The following PCDHA3 variants were observed in gnomAD, a reference collection of about 807,000 sequenced individuals.
PCDHA3 encodes the protein protocadherin alpha 3, also known as protocadherin alpha-3.
PCDHA3 carries 41 observed loss-of-function variants against 62.2 expected under a neutral mutation model. That is an observed-to-expected ratio of 0.66 (90% CI 0.51 to 0.86). The LOEUF is 0.86. Among genes scored for constraint, PCDHA3 ranks in the 40% least tolerant of loss-of-function variants. The probability of loss-of-function intolerance (pLI) is 0.00; values close to 1 mark genes in which losing one functional copy is unlikely to be tolerated. For missense variants in PCDHA3, 1,304 were observed against 1,241.2 expected, an observed-to-expected ratio of 1.05 and a Z score of -0.76; for synonymous variants, 640 against 555.4, an observed-to-expected ratio of 1.15 and a Z score of -2.14.
chr5:140,822,453 G>A, intron 1 of PCDHA3: 1 of 1,613,866 alleles, frequency 6.2e-7, no homozygotes, highest in South Asian at 1.1e-5. Flanking sequence ...GTACAGTTCA[G>A]TTGTTGATCA....
At chr5:140,886,899 A>G (rs1054848231) in intron 1 of PCDHA3, among the ~76,000 whole-genome samples, 1 of 152,020 alleles carries the variant, frequency 6.6e-6, no homozygotes, top group Admixed American at 6.6e-5. Flanking sequence ...AATGCATTTA[A>G]TAAATACTTA....
intron 1 of PCDHA3, among the ~76,000 whole-genome samples, chr5:140,937,898 T>C (rs11950543): frequency 0.02 from 2,906 of 145,270 alleles, 39 homozygotes; most frequent in East Asian, 0.058. Flanking sequence ...GGCGACAGAG[T>C]GAGACTCCGT....
chr5:140,850,840 C>A (rs2150500104), intron 1 of PCDHA3: 2 of 1,597,492 alleles, frequency 1.3e-6, no homozygotes, highest in Non-Finnish European at 1.7e-6. Context: ...TGTGCTGGAT[C>A]TACAGAGCGA....
chr5:140,876,312 G>C (rs557901977), intron 1 of PCDHA3: 1 of 1,614,036 alleles, frequency 6.2e-7, no homozygotes. Context: ...TTTCCTATGG[G>C]ATCAAAATGA....
At position 140,850,723 on chromosome 5, in the gene PCDHA3, G is replaced by T. The variant is rs2150495847; in HGVS notation, c.2394+47132G>T. 3.1e-5 allele frequency: 49 copies of T among 1,597,922 alleles called. 7 individuals carry two copies. The highest frequency in any genetic ancestry group is 4.2e-5 in the Non-Finnish European group (49 of 1,167,668). The stretch of plus-strand genomic sequence containing the variant: ...GGCAAGCCGACGCTGGTGTGTTCTA[G>T]CGCGGTGGGGAGTTGGTCGTACTCG... On this transcript the variant is annotated intron_variant, in intron 1 of 3. Transcript: ENST00000522353.
chr5:140,887,238 C>A (rs1191260946), intron 1 of PCDHA3, among the ~76,000 whole-genome samples: 3 of 151,738 alleles, frequency 2.0e-5, no homozygotes, highest in African/African-American at 4.8e-5. Flanking sequence ...CTGAGACTAC[C>A]GGCGCCCGCC....
chr5:140,970,157 C>T (rs2096386547), intron 1 of PCDHA3, among the ~76,000 whole-genome samples: 2 of 152,176 alleles, frequency 1.3e-5, no homozygotes, highest in African/African-American at 4.8e-5. Context: ...TCCCAATAGT[C>T]ACCTTTCTTG....
intron 1 of PCDHA3, among the ~76,000 whole-genome samples, chr5:140,947,914 GCCTTAAC>G (rs2094192185): frequency 6.6e-6 from 1 of 151,456 alleles, no homozygotes. Context: ...AGACATTCTT[GCCTTAAC>G]CCTGATCTTA....
At chr5:140,979,137 A>G (rs1554240284) in intron 2 of PCDHA3, 130 bp downstream of exon 2, 1 of 1,459,542 alleles carries the variant, frequency 6.9e-7, no homozygotes, top group Non-Finnish European at 9.0e-7. Context: ...GGAAAATGCA[A>G]TTATTTTGTC....
Position 140,880,405 on chromosome 5 carries a change from G to T in PCDHA3, c.2394+76814G>T, listed in dbSNP as rs183953148. Among the ~76,000 whole-genome samples, 426 of 152,300 alleles carry T rather than the reference G, an allele frequency of 2.8e-3. 2 individuals carry two copies. The highest frequency in any genetic ancestry group is 0.014 in the Middle Eastern group (4 of 294). On this transcript the variant is annotated intron_variant, in intron 1 of 3. Coordinates refer to ENST00000522353, the MANE Select transcript of PCDHA3 (RefSeq NM_018906.3). ...AAATAATTTTTAAGAGCATATGGTTGACCTTAAAAGCGGGAACAGTTTTTC... is the reference window on the plus strand; with the variant it reads ...AAATAATTTTTAAGAGCATATGGTTTACCTTAAAAGCGGGAACAGTTTTTC...
intron 1 of PCDHA3, among the ~76,000 whole-genome samples, chr5:140,826,336 T>G (rs1768901629): frequency 6.6e-6 from 1 of 152,166 alleles, no homozygotes; most frequent in Non-Finnish European, 1.5e-5. Context: ...GTTAAGAAAT[T>G]GAACCCTTTG....
At chr5:140,807,248 C>T (rs782639557) in intron 1 of PCDHA3, 17 of 1,614,108 alleles carry the variant, frequency 1.1e-5, no homozygotes, top group East Asian at 2.2e-5. Context: ...ACTTCTTCTC[C>T]TCGCAGCCTG....
intron 1 of PCDHA3, chr5:140,808,482 C>T (rs781996796): frequency 4.3e-6 from 7 of 1,614,014 alleles, no homozygotes; most frequent in African/African-American, 1.3e-5. Context: ...GACGGGGGCT[C>T]GCCTTCGCTG....
intron 1 of PCDHA3, among the ~76,000 whole-genome samples, chr5:140,899,477 A>G (rs1309385245): frequency 3.3e-5 from 5 of 152,210 alleles, no homozygotes; most frequent in Non-Finnish European, 5.9e-5. Context: ...GGTTCTGTTT[A>G]TATGCTGGAT....
rs1554262437 is a variant in PCDHA3, at chr5:141,009,799, C to T, written c.2715C>T (p.Asn905=). 1 of 1,614,104 alleles carries T rather than the reference C, an allele frequency of 6.2e-7. No individual in the cohort carries two copies. Residue 905 remains asparagine (N), a synonymous_variant, in exon 4 of 4, where the codon AAC becomes AAT. Coordinates refer to ENST00000522353, the MANE Select transcript of PCDHA3 (RefSeq NM_018906.3). ...AIISIRQEPT[N]SQIDKSDFIT... is the part of the protein sequence containing the mutation. ...TCTCCATCCGGCAGGAGCCTACTAACAGCCAAATTGACAAAAGTGACTTCA... is the reference window on the plus strand; with the variant it reads ...TCTCCATCCGGCAGGAGCCTACTAATAGCCAAATTGACAAAAGTGACTTCA...
At chr5:140,831,488 T>C (rs370733379) in intron 1 of PCDHA3, among the ~76,000 whole-genome samples, 1 of 148,694 alleles carries the variant, frequency 6.7e-6, no homozygotes, top group African/African-American at 2.5e-5. Context: ...GCCTCTGGAG[T>C]TACTACACAC....
chr5:140,878,027 G>C, intron 1 of PCDHA3: 1 of 699,256 alleles, frequency 1.4e-6, no homozygotes, highest in Non-Finnish European at 2.1e-6. Flanking sequence ...GAAATATGTA[G>C]GTACAATGGA....
chr5:141,010,225 C>T lies in PCDHA3; in HGVS notation c.*288C>T. The T allele has an allele frequency of 6.4e-7, 1 of 1,551,848 alleles. No homozygotes were observed. The highest frequency in any genetic ancestry group is 8.7e-7 in the Non-Finnish European group (1 of 1,147,026). The stretch of plus-strand genomic sequence containing the variant: ...CCGCCGCAAAGGAGAGGCTTCCCAG[C>T]CCCGCCAGTGAGAGGTTGGACTCTC... On this transcript the variant is annotated 3_prime_UTR_variant, in exon 4 of 4. Coordinates refer to ENST00000522353, the MANE Select transcript of PCDHA3 (RefSeq NM_018906.3).
intron 1 of PCDHA3, 184 bp downstream of exon 1, chr5:140,803,775 G>A (rs868977424): frequency 9.8e-7 from 1 of 1,017,848 alleles, no homozygotes; most frequent in South Asian, 1.7e-5. Flanking sequence ...AACCAAATCA[G>A]CAGTAAGTTA....
Sources: gnomAD v4.1 joint callset for allele counts (sites outside exome capture counted in the v4.1 genomes callset) on GRCh38, gnomAD v4.1.1 for gene constraint, MANE v1.5 for transcripts, NCBI Gene and HGNC (gene_info 2026-07-23, HGNC 2026-07-21) for gene names.